ABHD15: variants seen among roughly 807,000 people sequenced by gnomAD.
ABHD15 encodes the protein protein ABHD15.
ABHD15 carries 34 observed loss-of-function variants against 34.4 expected under a neutral mutation model. The ratio of observed to expected loss-of-function variants is 0.99; its 90% CI spans 0.75 to 1.32. The LOEUF is 1.32. ABHD15 is among the 40% of genes most tolerant of loss of function. ABHD15 has a pLI of 0.00. For synonymous variants in ABHD15, 314 were observed against 299.2 expected (o/e 1.05, Z -0.51); for missense variants, 644 against 650.4 (o/e 0.99, Z 0.11).
chr17:29,562,910 A>G lies in ABHD15; in HGVS notation c.1058T>C (p.Leu353Pro), dbSNP rs144568993. 4 of 1,614,032 alleles carry G rather than the reference A, an allele frequency of 2.5e-6. No homozygotes were observed. In the African/African-American group the frequency reaches 4.0e-5, roughly 16 times the overall value. The change falls in exon 2 of 2, where the codon CTG becomes CCG. Residue 353 changes from leucine to proline, a missense_variant. Transcript: ENST00000307201. ...RDVDEAAVPV[L>P]CICSADDPVC... ...GGGGTCGTCAGCACTGCAGATACAC[A>G]GCACAGGCACGGCTGCCTCATCGAC...
In ABHD15 at chr17:29,562,937, T is replaced by C. The variant is rs1351992301; in HGVS notation, c.1031A>G (p.Asp344Gly). ...CACAGGCACGGCTGCCTCATCGACA[T>C]CCCGGAGCGGGTCGTTGCGGTCCCA... ...TYWDRNDPLR[D>G]VDEAAVPVLC... Residue 344 changes from aspartate to glycine, a missense_variant, in exon 2 of 2, where the codon GAT (aspartate) becomes GGT (glycine). Transcript: ENST00000307201. The C allele has an allele frequency of 6.2e-7, 1 of 1,613,940 alleles. No individual in the cohort carries two copies. The highest frequency in any genetic ancestry group is 1.3e-5 in the African/African-American group (1 of 74,908).
At chr17:29,565,678 CTG>C (rs2032694361) in intron 1 of ABHD15, among the ~76,000 whole-genome samples, 1 of 152,332 alleles carries the variant, frequency 6.6e-6, no homozygotes, top group South Asian at 2.1e-4. Context: ...GGCTCAGAGA[CTG>C]TGAGTAAACA....
Position 29,566,847 on chromosome 17 carries a change from C to T in ABHD15, c.120G>A (p.Gly40=). 4 of 1,514,272 alleles carry T rather than the reference C, an allele frequency of 2.6e-6. No individual in the cohort carries two copies. Among genetic ancestry groups the T allele is most frequent in the Non-Finnish European group, 3.5e-6 (4 of 1,139,418 alleles). The allele number at this position is 1,514,272 out of a possible 1,614,324, so 93.8% of individuals were successfully genotyped here. Residue 40 remains glycine (G), a synonymous_variant, in exon 1 of 2, where the codon GGG becomes GGA. Coordinates refer to ENST00000307201, the MANE Select transcript of ABHD15 (RefSeq NM_198147.3). ...GRAVGERTLP[G]AQDRDDGEEA... ...CCTCCCCGTCGTCTCGGTCTTGGGC[C>T]CCCGGCAGGGTCCTCTCTCCGACGG...
rs367567626 is a variant in ABHD15 at position 29,562,652 on chromosome 17, C to T, written c.1316G>A (p.Arg439His). The change falls in exon 2 of 2, where the codon CGT becomes CAT. Residue 439 changes from arginine (R) to histidine (H), a missense_variant. Arg to His is a conservative substitution (Grantham distance 29, BLOSUM62 0). Coordinates refer to ENST00000307201, the MANE Select transcript of ABHD15 (RefSeq NM_198147.3). The stretch of plus-strand genomic sequence containing the variant: ...CCTCTGCAAGGCTCCCCCACGACGA[C>T]GGCCCCCAAGGAAGGAAGCTCTGTG... The part of the protein sequence containing the change: ...SRHRASFLGG[R>H]RRGGALQRRE... The T allele has an allele frequency of 4.4e-5, 71 of 1,614,038 alleles. No individual in the cohort carries two copies. Among genetic ancestry groups the T allele is most frequent in the African/African-American group, 1.2e-4 (9 of 74,932 alleles).
chr17:29,566,524 C>T lies in ABHD15; in HGVS notation c.443G>A (p.Arg148His). The change falls in exon 1 of 2, where the codon CGC becomes CAC. Residue 148 changes from arginine to histidine, a missense_variant. Arg to His is a conservative substitution (Grantham distance 29). Coordinates refer to ENST00000307201, the MANE Select transcript of ABHD15 (RefSeq NM_198147.3). ...AAGGCCCCCGGCGCTGGTGATCCGG[C>T]GGCCCCGAACACAAGGTCCTACCAC... ...DWVVGPCVRG[R>H]RITSAGGLPA... 1 of 1,610,678 alleles carries T rather than the reference C, an allele frequency of 6.2e-7. No individual in the cohort carries two copies.
Position 29,566,985 on chromosome 17 carries a change from C to G in ABHD15, c.-19G>C, listed in dbSNP as rs1207414510. 5 of 1,294,702 alleles carry G rather than the reference C, an allele frequency of 3.9e-6. No homozygotes were observed. The highest frequency in any genetic ancestry group is 3.9e-6 in the Non-Finnish European group (4 of 1,027,122). The allele number at this position is 1,294,702 out of a possible 1,614,324, so 80.2% of individuals were successfully genotyped here. ...GCGGCATGGCGAAGCTGGAGAGCCC[C>G]GGCGGGCAGCGGGCGGCGGGGCCGT... On this transcript the variant is annotated 5_prime_UTR_variant, in exon 1 of 2. Transcript: ENST00000307201.
Position 29,562,945 on chromosome 17 carries a change from C to A in ABHD15, c.1023G>T (p.Pro341=), listed in dbSNP as rs721479. 1.8e-5 allele frequency: 29 copies of A among 1,613,850 alleles called. No homozygotes were observed. The highest frequency in any genetic ancestry group is 2.4e-5 in the Non-Finnish European group (28 of 1,180,030). Residue 341 remains proline (P), a synonymous_variant, in exon 2 of 2, where the codon CCG becomes CCT. Transcript: ENST00000307201. ...CGGCTGCCTCATCGACATCCCGGAGCGGGTCGTTGCGGTCCCAGTAGGTAT... is the reference window on the plus strand; with the variant it reads ...CGGCTGCCTCATCGACATCCCGGAGAGGGTCGTTGCGGTCCCAGTAGGTAT... ...SWDTYWDRND[P]LRDVDEAAVP...
In ABHD15 at chr17:29,562,446, A is replaced by G. The variant is rs2032638430; in HGVS notation, c.*115T>C. 7 of 1,186,994 alleles carry G rather than the reference A, an allele frequency of 5.9e-6. No homozygotes were observed. The South Asian group carries it at 9.3e-5, about 16-fold the overall frequency. The allele number at this position is 1,186,994 out of a possible 1,614,324, so 73.5% of individuals were successfully genotyped here. A position where few individuals can be genotyped will look rare whatever the true frequency, so the allele number is the denominator to read the frequency against. On this transcript the variant is annotated 3_prime_UTR_variant, in exon 2 of 2. Coordinates refer to ENST00000307201, the MANE Select transcript of ABHD15 (RefSeq NM_198147.3). ...CACCAATTTAAGAGAGAGGGACTGAATGAGGAGCACAGAGCTGGAGCTCCC... is the reference window on the plus strand; with the variant it reads ...CACCAATTTAAGAGAGAGGGACTGAGTGAGGAGCACAGAGCTGGAGCTCCC...
In ABHD15 at chr17:29,566,526, G is replaced by A; in HGVS notation, c.441C>T (p.Gly147=). The A allele has an allele frequency of 6.2e-7, 1 of 1,610,256 alleles. No homozygotes were observed. Among genetic ancestry groups the A allele is most frequent in the Non-Finnish European group, 8.5e-7 (1 of 1,179,530 alleles). ...LDWVVGPCVR[G]RRITSAGGLP... ...GGCCCCCGGCGCTGGTGATCCGGCG[G>A]CCCCGAACACAAGGTCCTACCACCC... The change falls in exon 1 of 2, where the codon GGC becomes GGT. Residue 147 remains glycine (G), a synonymous_variant. Coordinates refer to ENST00000307201, the MANE Select transcript of ABHD15 (RefSeq NM_198147.3).
Position 29,562,431 on chromosome 17 carries a change from A to T in ABHD15, c.*130T>A. 9.4e-7 allele frequency: 1 copy of T among 1,062,212 alleles called. No homozygotes were observed. The highest frequency in any genetic ancestry group is 1.4e-6 in the Non-Finnish European group (1 of 740,238). The allele number at this position is 1,062,212 out of a possible 1,614,324, so 65.8% of individuals were successfully genotyped here. A position where few individuals can be genotyped will look rare whatever the true frequency, so the allele number is the denominator to read the frequency against. Reference sequence around the variant, plus strand: ...CCTTCTCTTTCAAGGCACCAATTTAAGAGAGAGGGACTGAATGAGGAGCAC... The same window carrying T: ...CCTTCTCTTTCAAGGCACCAATTTATGAGAGAGGGACTGAATGAGGAGCAC... On this transcript the variant is annotated 3_prime_UTR_variant, in exon 2 of 2. Coordinates refer to ENST00000307201, the MANE Select transcript of ABHD15 (RefSeq NM_198147.3).
Position 29,563,179 on chromosome 17 carries a change from G to A in ABHD15, c.882-93C>T. On this transcript the variant is annotated intron_variant, in intron 1 of 1. Transcript: ENST00000307201. ...AGATGAGACAGACAGACAGCCCGCA[G>A]GCCAGATCTGTCCACAGAGGCTTTC... 2.1e-6 allele frequency: 3 copies of A among 1,398,272 alleles called. No homozygotes were observed. The South Asian group carries it at 3.9e-5, about 18-fold the overall frequency. The allele number at this position is 1,398,272 out of a possible 1,614,324, so 86.6% of individuals were successfully genotyped here.
chr17:29,562,738 C>G lies in ABHD15; in HGVS notation c.1230G>C (p.Glu410Asp). 1.2e-6 allele frequency: 2 copies of G among 1,614,164 alleles called. No homozygotes were observed. Among genetic ancestry groups the G allele is most frequent in the Non-Finnish European group, 1.7e-6 (2 of 1,180,030 alleles). ...LPAWSHEVIL[E>D]SFRALTEFFR... ...AGAACTCAGTCAAGGCCCGGAAGGA[C>G]TCCAAGATGACCTCATGGCTCCAGG... Residue 410 changes from glutamate to aspartate, a missense_variant, in exon 2 of 2, where the codon GAG becomes GAC. Glu to Asp is a conservative substitution (Grantham distance 45, BLOSUM62 2). Transcript: ENST00000307201.
chr17:29,563,353 C>T (rs1436913031), intron 1 of ABHD15, among the ~76,000 whole-genome samples: 1 of 146,454 alleles, frequency 6.8e-6, no homozygotes, highest in Non-Finnish European at 1.5e-5. Flanking sequence ...AGTTTGAGAA[C>T]AGCCTGGGCA....
chr17:29,566,142 G>A lies in ABHD15; in HGVS notation c.825C>T (p.Gly275=). ...VLRCREWFEA[G]LPWPYERGFL... ...AGCCCCGCTCGTAGGGCCAGGGCAGGCCGGCCTCGAACCACTCTCGGCAGC... is the reference window on the plus strand; with the variant it reads ...AGCCCCGCTCGTAGGGCCAGGGCAGACCGGCCTCGAACCACTCTCGGCAGC... Residue 275 remains glycine (G), a synonymous_variant, in exon 1 of 2, where the codon GGC becomes GGT. Transcript: ENST00000307201. 3 of 1,590,438 alleles carry A rather than the reference G, an allele frequency of 1.9e-6. No individual in the cohort carries two copies. The highest frequency in any genetic ancestry group is 2.6e-6 in the Non-Finnish European group (3 of 1,165,354).
At chr17:29,563,483 C>T (rs1446428491) in intron 1 of ABHD15, among the ~76,000 whole-genome samples, 2 of 151,906 alleles carry the variant, frequency 1.3e-5, no homozygotes, top group Non-Finnish European at 2.9e-5. Flanking sequence ...GAGGTCAAGG[C>T]TGCAGTGAGC....
Position 29,562,949 on chromosome 17 carries a change from T to C in ABHD15, c.1019A>G (p.Asp340Gly). Reference sequence around the variant, plus strand: ...TGCCTCATCGACATCCCGGAGCGGGTCGTTGCGGTCCCAGTAGGTATCCCA... The same window carrying C: ...TGCCTCATCGACATCCCGGAGCGGGCCGTTGCGGTCCCAGTAGGTATCCCA... The part of the protein sequence containing the change: ...ISWDTYWDRN[D>G]PLRDVDEAAV... Residue 340 changes from aspartate to glycine, a missense_variant, in exon 2 of 2, where the codon GAC becomes GGC. Transcript: ENST00000307201. 1 of 1,613,752 alleles carries C rather than the reference T, an allele frequency of 6.2e-7. No homozygotes were observed.
intron 1 of ABHD15, among the ~76,000 whole-genome samples, chr17:29,564,153 T>C (rs1243194051): frequency 1.3e-5 from 2 of 152,262 alleles, no homozygotes. Flanking sequence ...AACTGTAACC[T>C]ACTAAACTGC....
Position 29,566,863 on chromosome 17 carries a change from T to C in ABHD15, c.104A>G (p.Glu35Gly), listed in dbSNP as rs2094478888. ...LRGPWGRAVG[E>G]RTLPGAQDRD... ...GTCTTGGGCCCCCGGCAGGGTCCTC[T>C]CTCCGACGGCGCGCCCCCAGGGTCC... Residue 35 changes from glutamate to glycine, a missense_variant, in exon 1 of 2, where the codon GAG (glutamate) becomes GGG (glycine). By Grantham distance (98) the Glu-to-Gly change is moderately conservative. Coordinates refer to ENST00000307201, the MANE Select transcript of ABHD15 (RefSeq NM_198147.3). 1 of 1,505,194 alleles carries C rather than the reference T, an allele frequency of 6.6e-7. No homozygotes were observed. Among genetic ancestry groups the C allele is most frequent in the Non-Finnish European group, 8.8e-7 (1 of 1,135,614 alleles). The allele number at this position is 1,505,194 out of a possible 1,614,324, so 93.2% of individuals were successfully genotyped here.
In ABHD15 at chr17:29,560,705, A is replaced by T. The variant is rs1306230713; in HGVS notation, c.*1856T>A. 1 of 151,388 alleles carries T rather than the reference A, an allele frequency of 6.6e-6. No individual in the cohort carries two copies. The highest frequency in any genetic ancestry group is 2.4e-5 in the African/African-American group (1 of 41,110). The allele number at this position is 151,388 out of a possible 1,614,324, so 9.4% of individuals were successfully genotyped here. A position where few individuals can be genotyped will look rare whatever the true frequency, so the allele number is the denominator to read the frequency against. ...AGTCTTACTCTGTCGCCCAGGCTGG[A>T]GTGCAGTGGTGCGATCTCAGCTCAC... is the stretch of plus-strand genomic sequence containing the variant. On this transcript the variant is annotated 3_prime_UTR_variant, in exon 2 of 2. Transcript: ENST00000307201.
Sources: gnomAD v4.1 joint callset for allele counts (sites outside exome capture counted in the v4.1 genomes callset) on GRCh38, gnomAD v4.1.1 for gene constraint, MANE v1.5 for transcripts, NCBI Gene and HGNC (gene_info 2026-07-23, HGNC 2026-07-21) for gene names.